IQSEC3: variants seen among roughly 807,000 people sequenced by gnomAD.
The protein encoded by IQSEC3 is IQ motif and Sec7 domain ArfGEF 3.
In IQSEC3, 50 loss-of-function variants were observed where a neutral mutation model predicts 105.4. The observed-to-expected ratio is 0.47, with a 90% CI of 0.38 to 0.60. The LOEUF (loss-of-function observed/expected upper bound fraction) is 0.60. Among genes scored for constraint, IQSEC3 ranks in the 20% least tolerant of loss-of-function variants. IQSEC3 has a pLI of 0.00. For missense variants in IQSEC3, 1,415 were observed against 1,630.0 expected (o/e 0.87, Z 2.27); for synonymous variants, 708 against 746.0 (o/e 0.95, Z 0.83).
At chr12:163,160 A>G (rs3925801) in intron 8 of IQSEC3, among the ~76,000 whole-genome samples, 22,680 of 93,868 alleles carry the variant, frequency 0.24, 3,804 homozygotes, top group East Asian at 0.35. Context: ...CCTCTCCACA[A>G]AACCGAACCC....
intron 1 of IQSEC3, among the ~76,000 whole-genome samples, chr12:70,286 T>C (rs1163670965): frequency 6.6e-6 from 1 of 152,234 alleles, no homozygotes; most frequent in Non-Finnish European, 1.5e-5. Context: ...TGGAAAATAA[T>C]GAATCATTTA....
At chr12:96,287 T>G (rs1266999008) in intron 1 of IQSEC3, among the ~76,000 whole-genome samples, 1 of 152,188 alleles carries the variant, frequency 6.6e-6, no homozygotes, top group Admixed American at 6.5e-5. Flanking sequence ...GTGTCTGGGT[T>G]AAAATGAGAC....
intron 12 of IQSEC3, among the ~76,000 whole-genome samples, chr12:169,853 A>G (rs1312007655): frequency 1.3e-5 from 2 of 152,116 alleles, no homozygotes; most frequent in Non-Finnish European, 2.9e-5. Context: ...ACAACTGTCC[A>G]CCCATTAGTT....
chr12:165,722 T>C lies in IQSEC3; in HGVS notation c.2810-7T>C, dbSNP rs935101974. 5.0e-6 allele frequency: 8 copies of C among 1,613,214 alleles called. No individual in the cohort carries two copies. The African/African-American group carries it at 1.1e-4, about 22-fold the overall frequency. On this transcript the variant is annotated splice_region_variant and splice_polypyrimidine_tract_variant and intron_variant, in intron 10 of 13. Transcript: ENST00000538872. ...AGCCCACTGGGGGCCTGGGGTCTGC[T>C]TTCCAGATTACTCTCATGGCATCAC...
chr12:93,867 C>G (rs1555074158), intron 1 of IQSEC3, among the ~76,000 whole-genome samples: 1 of 152,100 alleles, frequency 6.6e-6, no homozygotes, highest in African/African-American at 2.4e-5. Context: ...GCACCTCCCT[C>G]CCCTCTCTCT....
intron 7 of IQSEC3, among the ~76,000 whole-genome samples, chr12:160,320 G>T (rs1866843490): frequency 1.3e-5 from 2 of 152,096 alleles, no homozygotes; most frequent in Non-Finnish European, 1.5e-5. Flanking sequence ...GGAGGCTGCT[G>T]GCTGGTGAGC....
chr12:165,118 T>A (rs1462159552), intron 9 of IQSEC3, among the ~76,000 whole-genome samples: 2 of 152,202 alleles, frequency 1.3e-5, no homozygotes, highest in Non-Finnish European at 2.9e-5. Context: ...GAGCTTGCCC[T>A]TCTCAAGCTA....
intron 1 of IQSEC3, among the ~76,000 whole-genome samples, chr12:98,030 AT>A (rs1178023434): frequency 1.1e-4 from 16 of 152,230 alleles, no homozygotes; most frequent in Middle Eastern, 3.4e-3. Flanking sequence ...TCCAGTAAAG[AT>A]TTGGTTTGGA....
At chr12:164,277 C>G (rs1555097485) in intron 9 of IQSEC3, among the ~76,000 whole-genome samples, 1 of 152,144 alleles carries the variant, frequency 6.6e-6, no homozygotes, top group African/African-American at 2.4e-5. Context: ...CTCTCACCAC[C>G]TCCACTACTA....
intron 13 of IQSEC3, among the ~76,000 whole-genome samples, chr12:172,203 G>C (rs965664821): frequency 6.6e-6 from 1 of 152,096 alleles, no homozygotes; most frequent in Admixed American, 6.5e-5. Flanking sequence ...GGGGAGCTCA[G>C]TGTCTTCTCT....
intron 1 of IQSEC3, among the ~76,000 whole-genome samples, chr12:75,550 AT>A (rs1220108219): frequency 6.6e-6 from 1 of 152,134 alleles, no homozygotes; most frequent in East Asian, 1.9e-4. Flanking sequence ...TCTTAAAATA[AT>A]TTTTTGGATG....
At chr12:131,228 G>A (rs888520278) in intron 3 of IQSEC3, among the ~76,000 whole-genome samples, 8 of 152,336 alleles carry the variant, frequency 5.3e-5, no homozygotes, top group Admixed American at 1.3e-4. Flanking sequence ...TGCTTCTTCT[G>A]GCAGAAGCTG....
chr12:89,701 G>T (rs1864022856), intron 1 of IQSEC3, among the ~76,000 whole-genome samples: 1 of 152,168 alleles, frequency 6.6e-6, no homozygotes, highest in Admixed American at 6.5e-5. Flanking sequence ...ACAATATGGA[G>T]TCTTTTGTGG....
chr12:125,740 A>G lies in IQSEC3; in HGVS notation c.731A>G (p.Gln244Arg). ...GCCCATGCCCCGAAGGCTCAAGCCC[A>G]GGAGCTGCAGGAGGAGGAGGAGCGG... ...PSAHAPKAQA[Q>R]ELQEEEERPG... Residue 244 changes from glutamine to arginine, a missense_variant, in exon 3 of 14, where the codon CAG becomes CGG. Physicochemically the swap from Gln to Arg is conservative, Grantham distance 43. Coordinates refer to ENST00000538872, the MANE Select transcript of IQSEC3 (RefSeq NM_001170738.2). 1 of 1,519,898 alleles carries G rather than the reference A, an allele frequency of 6.6e-7. No homozygotes were observed. The highest frequency in any genetic ancestry group is 1.2e-5 in the South Asian group (1 of 80,088). The allele number at this position is 1,519,898 out of a possible 1,614,324, so 94.2% of individuals were successfully genotyped here. A position where few individuals can be genotyped will look rare whatever the true frequency, so the allele number is the denominator to read the frequency against.
chr12:174,997 G>A lies in IQSEC3; in HGVS notation c.3513G>A (p.Gly1171=), dbSNP rs779687454. ...QFCPPGSLLH[G]HRYSSGSRSL... ...GTCCCCCAGGCTCCCTGCTGCACGGGCACCGCTACTCCAGTGGCTCAAGGA... is the reference window on the plus strand; with the variant it reads ...GTCCCCCAGGCTCCCTGCTGCACGGACACCGCTACTCCAGTGGCTCAAGGA... The change falls in exon 14 of 14, where the codon GGG becomes GGA. Residue 1171 remains glycine, a synonymous_variant. Transcript: ENST00000538872. 8 of 1,575,840 alleles carry A rather than the reference G, an allele frequency of 5.1e-6. No individual in the cohort carries two copies. Among genetic ancestry groups the A allele is most frequent in the Non-Finnish European group, 6.8e-6 (8 of 1,169,996 alleles).
At position 81,922 on chromosome 12, in the gene IQSEC3, G is replaced by C. The variant is rs556500504; in HGVS notation, c.554+14486G>C. Among the ~76,000 whole-genome samples the C allele has an allele frequency of 2.0e-5, 3 of 152,308 alleles. No homozygotes were observed. The East Asian group carries it at 5.8e-4, about 29-fold the overall frequency. ...TTTCAAAGGCTGCTGAAACGTGGAGGATGCAGACTGAGAACTGTCCATTAG... is the reference window on the plus strand; with the variant it reads ...TTTCAAAGGCTGCTGAAACGTGGAGCATGCAGACTGAGAACTGTCCATTAG... On this transcript the variant is annotated intron_variant, in intron 1 of 13. Coordinates refer to ENST00000538872, the MANE Select transcript of IQSEC3 (RefSeq NM_001170738.2).
chr12:158,626 A>G (rs12424229), intron 7 of IQSEC3, among the ~76,000 whole-genome samples: 20,068 of 152,158 alleles, frequency 0.13, 3,025 homozygotes, highest in African/African-American at 0.37. Flanking sequence ...ATCTAAATAG[A>G]GCTATACAGT....
At chr12:121,691 G>T (rs1169797091) in intron 2 of IQSEC3, among the ~76,000 whole-genome samples, 1 of 152,058 alleles carries the variant, frequency 6.6e-6, no homozygotes, top group East Asian at 1.9e-4. Flanking sequence ...TTGACAAGGG[G>T]GCTAAATGTT....
chr12:123,004 G>T (rs1555082236), intron 2 of IQSEC3, among the ~76,000 whole-genome samples: 1 of 152,160 alleles, frequency 6.6e-6, no homozygotes. Context: ...GTGGGAAGGG[G>T]CTATTTCCAC....
Sources: allele counts gnomAD v4.1 joint callset (sites outside exome capture counted in the v4.1 genomes callset), GRCh38; gene constraint gnomAD v4.1.1; transcripts MANE v1.5; gene names NCBI Gene and HGNC (gene_info 2026-07-23, HGNC 2026-07-21).